SLIT3: variants seen among roughly 807,000 people sequenced by gnomAD.
SLIT3 encodes the protein slit guidance ligand 3.
A neutral mutation model predicts 184.0 loss-of-function variants in SLIT3; 68 were observed. The ratio of observed to expected loss-of-function variants is 0.37; its 90% CI spans 0.30 to 0.45. SLIT3 has a LOEUF of 0.45. Ranked by LOEUF, SLIT3 falls within the 20% of genes least tolerant of loss-of-function variation. The pLI, the probability that SLIT3 is intolerant of heterozygous loss-of-function variation, is 1.00. For missense variants in SLIT3, 1,707 were observed against 2,026.0 expected, an observed-to-expected ratio of 0.84 and a Z score of 3.02; for synonymous variants, 831 against 828.6, an observed-to-expected ratio of 1.00 and a Z score of -0.05.
intron 4 of SLIT3, among the ~76,000 whole-genome samples, chr5:168,919,259 CA>C (rs372846427): frequency 0.019 from 1,694 of 87,730 alleles, 19 homozygotes; most frequent in African/African-American, 0.06. Context: ...GACTCCATCT[CA>C]AAAAAAAAAA....
chr5:168,897,480 G>A (rs868066871), intron 4 of SLIT3, among the ~76,000 whole-genome samples: 23 of 152,032 alleles, frequency 1.5e-4, no homozygotes, highest in African/African-American at 5.3e-4. Flanking sequence ...TGACACAGTG[G>A]GACAGAGACA....
chr5:169,282,494 T>C (rs1437504837), intron 1 of SLIT3, among the ~76,000 whole-genome samples: 6 of 152,192 alleles, frequency 3.9e-5, no homozygotes, highest in African/African-American at 1.2e-4. Flanking sequence ...ATTAAAGCAG[T>C]TACTCCATAG....
At position 169,142,080 on chromosome 5, in the gene SLIT3, A is replaced by AAT. The variant is rs1554101788; in HGVS notation, c.413+51398_413+51399insAT. On this transcript the variant is annotated intron_variant, in intron 4 of 35. Coordinates refer to ENST00000519560, the MANE Select transcript of SLIT3 (RefSeq NM_003062.4). ...AAAAATAAAAATAAAAATAAAAATA[A>AAT]AAATAAATAAATAAATAAATAAATA... Among the ~76,000 whole-genome samples the AAT allele has an allele frequency of 2.6e-3, 110 of 42,758 alleles. 1 individual carries two copies. The highest frequency in any genetic ancestry group is 0.016 in the African/African-American group (93 of 5,774). The allele number at this position is 42,758 out of a possible 152,430, so 28.1% of individuals were successfully genotyped here.
At chr5:168,967,131 T>G (rs1169180842) in intron 4 of SLIT3, among the ~76,000 whole-genome samples, 1 of 152,098 alleles carries the variant, frequency 6.6e-6, no homozygotes, top group Non-Finnish European at 1.5e-5. Flanking sequence ...AGGATGTTAT[T>G]TATGAATTTG....
intron 21 of SLIT3, 104 bp downstream of exon 21, chr5:168,724,312 C>T: frequency 1.2e-6 from 1 of 804,548 alleles, no homozygotes; most frequent in East Asian, 2.8e-5. Flanking sequence ...TCAATTACCA[C>T]TTGCATCAGC....
intron 4 of SLIT3, among the ~76,000 whole-genome samples, chr5:168,997,509 C>G (rs1043958220): frequency 3.3e-5 from 5 of 152,010 alleles, no homozygotes; most frequent in African/African-American, 1.2e-4. Context: ...TGCGTGGGGC[C>G]CAAGGATTTG....
intron 4 of SLIT3, among the ~76,000 whole-genome samples, chr5:168,937,326 G>A (rs1030151866): frequency 6.6e-6 from 1 of 152,158 alleles, no homozygotes; most frequent in Non-Finnish European, 1.5e-5. Flanking sequence ...GAGCAGGAGA[G>A]TGAGGGATCG....
chr5:169,114,680 T>C (rs996699850), intron 4 of SLIT3, among the ~76,000 whole-genome samples: 1 of 152,214 alleles, frequency 6.6e-6, no homozygotes, highest in African/African-American at 2.4e-5. Context: ...AACAGACCTG[T>C]GCCTGCAGCT....
intron 4 of SLIT3, among the ~76,000 whole-genome samples, chr5:169,152,530 T>C (rs983306410): frequency 6.6e-6 from 1 of 152,192 alleles, no homozygotes; most frequent in Non-Finnish European, 1.5e-5. Context: ...CTCGTGGGGA[T>C]GACTTGCAGC....
rs1333440531 is a variant in SLIT3 at position 168,835,251 on chromosome 5, CTAATTA to C, written c.557+9327_557+9332del. The stretch of plus-strand genomic sequence containing the variant: ...GAGTTTTAAATGTTGGCAACAAATT[CTAATTA>C]TTTGTAAACAAAAAAATTAAAGAAA... On this transcript the variant is annotated intron_variant, in intron 6 of 35. Transcript: ENST00000519560. Among the ~76,000 whole-genome samples, 5 of 152,206 alleles carry C rather than the reference CTAATTA, an allele frequency of 3.3e-5. No homozygotes were observed. The East Asian group carries it at 9.6e-4, about 29-fold the overall frequency.
chr5:169,155,988 T>G (rs1193780720), intron 4 of SLIT3, among the ~76,000 whole-genome samples: 1 of 152,172 alleles, frequency 6.6e-6, no homozygotes, highest in Non-Finnish European at 1.5e-5. Flanking sequence ...CACTGAAGAT[T>G]TGCAATGTAC....
intron 4 of SLIT3, among the ~76,000 whole-genome samples, chr5:168,926,603 C>T (rs144111439): frequency 3.8e-4 from 58 of 152,248 alleles, no homozygotes; most frequent in African/African-American, 1.2e-3. Flanking sequence ...GTTAAAGCCC[C>T]GCTTAAAAAC....
At chr5:168,730,316 T>C (rs146053457) in intron 20 of SLIT3, among the ~76,000 whole-genome samples, 13 of 152,140 alleles carry the variant, frequency 8.5e-5, no homozygotes, top group African/African-American at 2.9e-4. Flanking sequence ...ACTAGACAGA[T>C]CATTGAGACA....
intron 4 of SLIT3, among the ~76,000 whole-genome samples, chr5:169,060,527 G>T (rs983200868): frequency 1.3e-5 from 2 of 152,202 alleles, no homozygotes; most frequent in African/African-American, 2.4e-5. Flanking sequence ...AGCACTGTGG[G>T]CATGTGAGTT....
At chr5:168,706,423 A>T (rs1288491420) in intron 26 of SLIT3, 1 of 152,188 alleles carries the variant, frequency 6.6e-6, no homozygotes, top group Admixed American at 6.5e-5. Flanking sequence ...TGCTGAATCC[A>T]TACAAGGGAG....
chr5:168,921,143 A>G (rs1761623021), intron 4 of SLIT3, among the ~76,000 whole-genome samples: 1 of 152,210 alleles, frequency 6.6e-6, no homozygotes, highest in Non-Finnish European at 1.5e-5. Context: ...GGAAAATGAT[A>G]GAAAACTTCT....
chr5:169,195,339 T>C (rs553866550), intron 3 of SLIT3, among the ~76,000 whole-genome samples: 8 of 152,176 alleles, frequency 5.3e-5, no homozygotes, highest in East Asian at 1.9e-4. Context: ...TAGAGAAGCA[T>C]TGAAGACTTC....
At chr5:168,775,527 C>A (rs1755712944) in intron 12 of SLIT3, among the ~76,000 whole-genome samples, 1 of 147,456 alleles carries the variant, frequency 6.8e-6, no homozygotes, top group Non-Finnish European at 1.5e-5. Flanking sequence ...TCGTCTCTCA[C>A]ACCCCCGTTT....
intron 4 of SLIT3, among the ~76,000 whole-genome samples, chr5:169,094,724 G>T (rs1429072415): frequency 6.6e-6 from 1 of 152,242 alleles, no homozygotes; most frequent in African/African-American, 2.4e-5. Flanking sequence ...ACACCAAGGT[G>T]TGAAGAATCA....
Sources: gnomAD v4.1 joint callset for allele counts (sites outside exome capture counted in the v4.1 genomes callset) on GRCh38, gnomAD v4.1.1 for gene constraint, MANE v1.5 for transcripts, NCBI Gene and HGNC (gene_info 2026-07-23, HGNC 2026-07-21) for gene names.